Variants in SNAPC1 observed in about 807,000 individuals in gnomAD.
The protein encoded by SNAPC1 is small nuclear RNA activating complex polypeptide 1.
In SNAPC1, 42 loss-of-function variants were observed where a neutral mutation model predicts 50.1. That is an observed-to-expected ratio of 0.84 (90% CI 0.65 to 1.08). SNAPC1 has a LOEUF of 1.08. SNAPC1 is among the 50% of genes least tolerant of loss of function. The probability of loss-of-function intolerance (pLI) is 0.00; values close to 1 mark genes in which losing one functional copy is unlikely to be tolerated. For synonymous variants in SNAPC1, 164 were observed against 144.2 expected, an observed-to-expected ratio of 1.14 and a Z score of -0.98; for missense variants, 477 against 427.3, an observed-to-expected ratio of 1.12 and a Z score of -1.02.
At chr14:61,779,681 A>G (rs1213704130) in intron 7 of SNAPC1, among the ~76,000 whole-genome samples, 1 of 102,828 alleles carries the variant, frequency 9.7e-6, no homozygotes, top group African/African-American at 3.7e-5. Flanking sequence ...TTTTTTTTCT[A>G]TTTGTTTGAA....
chr14:61,786,624 C>T lies in SNAPC1; in HGVS notation c.976+4227C>T, dbSNP rs147303215. 2.1e-3 allele frequency among the ~76,000 whole-genome samples: 319 copies of T among 152,108 alleles called. 1 individual carries two copies. Among genetic ancestry groups the T allele is most frequent in the African/African-American group, 7.4e-3 (307 of 41,506 alleles). ...CCCTGAATGGCAACAACAAAAAGAC[C>T]CCACAAAGCAAAACAAAAATTGTGA... On this transcript the variant is annotated intron_variant, in intron 8 of 9. Transcript: ENST00000216294.
At chr14:61,788,368 G>A (rs10133567) in intron 8 of SNAPC1, among the ~76,000 whole-genome samples, 53,457 of 151,990 alleles carry the variant, frequency 0.35, 9,937 homozygotes, top group African/African-American at 0.46. Context: ...GTGGAAAGGT[G>A]TTTTTGATTT....
intron 8 of SNAPC1, 33 bp downstream of exon 8, chr14:61,782,430 A>G: frequency 4.5e-6 from 7 of 1,551,310 alleles, no homozygotes; most frequent in Non-Finnish European, 6.1e-6. Context: ...AGATTCAACA[A>G]AGGAGAATGG....
At chr14:61,785,434 G>A (rs1214741176) in intron 8 of SNAPC1, among the ~76,000 whole-genome samples, 1 of 152,098 alleles carries the variant, frequency 6.6e-6, no homozygotes, top group Non-Finnish European at 1.5e-5. Context: ...AGAGACACAA[G>A]TTTCCAAAAC....
Position 61,766,963 on chromosome 14 carries a change from C to T in SNAPC1, c.216C>T (p.Phe72=). The change falls in exon 2 of 10, where the codon TTC becomes TTT. Residue 72 remains phenylalanine, a synonymous_variant. Coordinates refer to ENST00000216294, the MANE Select transcript of SNAPC1 (RefSeq NM_003082.4). ...AWRYFLPPYT[F]QIRVGALYLL... is the part of the protein sequence containing the mutation. ...GATATTTTTTACCTCCATACACCTT[C>T]CAGATCAGAGTTGGTGCTTTGTATC... The T allele has an allele frequency of 6.2e-7, 1 of 1,609,916 alleles. No individual in the cohort carries two copies. Among genetic ancestry groups the T allele is most frequent in the Non-Finnish European group, 8.5e-7 (1 of 1,176,372 alleles).
intron 8 of SNAPC1, among the ~76,000 whole-genome samples, chr14:61,790,908 C>T (rs2045147725): frequency 6.6e-6 from 1 of 151,716 alleles, no homozygotes; most frequent in African/African-American, 2.4e-5. Flanking sequence ...GATCATTGCA[C>T]CCCACACATT....
chr14:61,774,541 C>G (rs777914877), intron 4 of SNAPC1, among the ~76,000 whole-genome samples: 3 of 151,540 alleles, frequency 2.0e-5, no homozygotes, highest in Non-Finnish European at 4.4e-5. Context: ...GAGAGTATAG[C>G]CAATGTAAAC....
At chr14:61,776,530 A>AT (rs754027321) in intron 5 of SNAPC1, among the ~76,000 whole-genome samples, 2 of 151,972 alleles carry the variant, frequency 1.3e-5, no homozygotes, top group Non-Finnish European at 2.9e-5. Flanking sequence ...ATAATTTGGC[A>AT]TTTTTTAGGG....
At chr14:61,794,167 T>A (rs546236583) in intron 9 of SNAPC1, among the ~76,000 whole-genome samples, 1 of 152,278 alleles carries the variant, frequency 6.6e-6, no homozygotes, top group South Asian at 2.1e-4. Flanking sequence ...TGAAATGAAA[T>A]TGAAATCTTA....
intron 7 of SNAPC1, among the ~76,000 whole-genome samples, chr14:61,780,166 G>C (rs2045061858): frequency 6.6e-6 from 1 of 152,190 alleles, no homozygotes; most frequent in Admixed American, 6.5e-5. Flanking sequence ...GTCTAGGGGA[G>C]GAGGGTGGGA....
intron 8 of SNAPC1, among the ~76,000 whole-genome samples, chr14:61,786,088 C>T (rs2045114193): frequency 6.6e-6 from 1 of 152,114 alleles, no homozygotes; most frequent in Non-Finnish European, 1.5e-5. Context: ...TTGCAGCTTA[C>T]TGACATTGCA....
intron 4 of SNAPC1, among the ~76,000 whole-genome samples, chr14:61,774,289 A>G (rs1342596837): frequency 2.6e-5 from 4 of 151,526 alleles, no homozygotes; most frequent in African/African-American, 9.7e-5. Flanking sequence ...GGTGCACACT[A>G]CTGTGCCTGG....
chr14:61,764,861 C>G (rs893738568), intron 1 of SNAPC1, among the ~76,000 whole-genome samples: 10 of 152,232 alleles, frequency 6.6e-5, no homozygotes, highest in African/African-American at 2.2e-4. Context: ...TTTGAAGACC[C>G]AAAATGTCCT....
intron 4 of SNAPC1, among the ~76,000 whole-genome samples, chr14:61,771,296 G>A (rs570872990): frequency 3.4e-4 from 52 of 152,260 alleles, no homozygotes; most frequent in Non-Finnish European, 6.6e-4. Flanking sequence ...TTTTATCCGT[G>A]ATTTAAAGTT....
In SNAPC1 at chr14:61,767,302, A is replaced by G. The variant is rs1021635694; in HGVS notation, c.379A>G (p.Arg127Gly). The stretch of plus-strand genomic sequence containing the variant: ...GCATTTTGATGCAGCTTATATTTTT[A>G]GGAAGCTACGACTAGACAGAGCATT... ...AQHFDAAYIFRKLRLDRAFHF... is the reference protein window; with the variant it reads ...AQHFDAAYIFGKLRLDRAFHF... The change falls in exon 3 of 10, where the codon AGG (arginine) becomes GGG (glycine). Residue 127 changes from arginine to glycine, a missense_variant. Arg to Gly is a moderately radical substitution (Grantham distance 125). Coordinates refer to ENST00000216294, the MANE Select transcript of SNAPC1 (RefSeq NM_003082.4). 3.3e-6 allele frequency: 5 copies of G among 1,533,812 alleles called. No homozygotes were observed. The highest frequency in any genetic ancestry group is 4.4e-6 in the Non-Finnish European group (5 of 1,140,714).
Position 61,792,880 on chromosome 14 carries a change from G to A in SNAPC1, c.1050G>A (p.Glu350=). ...LSMPVITEEE[E]NESLSGTEFT... ...TGCCTGTAATTACAGAAGAAGAAGAGAATGAAAGTTTGAGTGGAACAGGTA... is the reference window on the plus strand; with the variant it reads ...TGCCTGTAATTACAGAAGAAGAAGAAAATGAAAGTTTGAGTGGAACAGGTA... The change falls in exon 9 of 10, where the codon GAG becomes GAA. Residue 350 remains glutamate, a synonymous_variant. Transcript: ENST00000216294. The A allele has an allele frequency of 6.2e-7, 1 of 1,603,834 alleles. No individual in the cohort carries two copies.
chr14:61,767,537 G>A (rs889045611), intron 3 of SNAPC1, among the ~76,000 whole-genome samples, 185 bp downstream of exon 3: 2 of 149,450 alleles, frequency 1.3e-5, no homozygotes, highest in African/African-American at 2.5e-5. Flanking sequence ...CATCTCGGCT[G>A]ACTGCAACCT....
At chr14:61,763,149 G>T (rs765400385) in intron 1 of SNAPC1, among the ~76,000 whole-genome samples, 28 of 151,566 alleles carry the variant, frequency 1.8e-4, no homozygotes, top group Non-Finnish European at 4.0e-4. Flanking sequence ...CCGGCACCAC[G>T]CCCGGTTAAT....
chr14:61,779,051 T>A (rs550633053), intron 7 of SNAPC1, 141 bp downstream of exon 7: 1 of 537,274 alleles, frequency 1.9e-6, no homozygotes, highest in East Asian at 3.5e-5. Flanking sequence ...AACAGTCCCC[T>A]TCTCTGCCAC....
Sources: allele counts gnomAD v4.1 joint callset (sites outside exome capture counted in the v4.1 genomes callset), GRCh38; gene constraint gnomAD v4.1.1; transcripts MANE v1.5; gene names NCBI Gene and HGNC (gene_info 2026-07-23, HGNC 2026-07-21).